Variants in ST3GAL3 observed in about 807,000 individuals in gnomAD.
ST3GAL3 encodes the protein CMP-N-acetylneuraminate-beta-1,4-galactoside alpha-2,3-sialyltransferase.
ST3GAL3 carries 21 observed loss-of-function variants against 50.1 expected under a neutral mutation model. The ratio of observed to expected loss-of-function variants is 0.42; its 90% CI spans 0.30 to 0.60. The LOEUF (loss-of-function observed/expected upper bound fraction) is 0.60. Ranked by LOEUF, ST3GAL3 falls within the 20% of genes least tolerant of loss-of-function variation. The probability of loss-of-function intolerance (pLI) is 0.19; values close to 1 mark genes in which losing one functional copy is unlikely to be tolerated. For synonymous variants in ST3GAL3, 183 were observed against 190.0 expected, an observed-to-expected ratio of 0.96 and a Z score of 0.30; for missense variants, 353 against 489.4, an observed-to-expected ratio of 0.72 and a Z score of 2.63.
At chr1:43,844,751 C>T (rs376910708) in intron 5 of ST3GAL3, among the ~76,000 whole-genome samples, 17 of 151,580 alleles carry the variant, frequency 1.1e-4, no homozygotes, top group African/African-American at 3.6e-4. Flanking sequence ...GGCGTGAACC[C>T]GGGAGGCAGA....
intron 5 of ST3GAL3, among the ~76,000 whole-genome samples, chr1:43,849,982 C>T (rs936183352): frequency 2.0e-5 from 3 of 152,160 alleles, no homozygotes; most frequent in Non-Finnish European, 4.4e-5. Context: ...AATAGCTCTG[C>T]CCTACCCCAT....
chr1:43,898,939 T>C, intron 7 of ST3GAL3: 1 of 593,340 alleles, frequency 1.7e-6, no homozygotes, highest in Non-Finnish European at 3.0e-6. Context: ...GGCCCTGTTT[T>C]CCTGGGGAAG....
intron 11 of ST3GAL3, 133 bp from the exon 12 acceptor site, chr1:43,929,999 T>C (rs2084787721): frequency 1.3e-6 from 1 of 792,124 alleles, no homozygotes; most frequent in Non-Finnish European, 2.3e-6. Context: ...ACACAACTGA[T>C]TACCAGTATC....
At chr1:43,762,608 C>T (rs1024993252) in intron 2 of ST3GAL3, among the ~76,000 whole-genome samples, 15 of 152,252 alleles carry the variant, frequency 9.9e-5, no homozygotes, top group African/African-American at 3.1e-4. Context: ...AGGATATAAA[C>T]GCTACCATTT....
At chr1:43,765,771 G>C (rs947981060) in intron 2 of ST3GAL3, among the ~76,000 whole-genome samples, 1 of 145,272 alleles carries the variant, frequency 6.9e-6, no homozygotes, top group African/African-American at 2.7e-5. Context: ...GTGTGTGTGT[G>C]TGTGTGTGTG....
chr1:43,822,290 G>A lies in ST3GAL3; in HGVS notation c.209+7357G>A, dbSNP rs115575111. Among the ~76,000 whole-genome samples, 357 of 152,296 alleles carry A rather than the reference G, an allele frequency of 2.3e-3. 1 individual carries two copies. Among genetic ancestry groups the A allele is most frequent in the African/African-American group, 8.2e-3 (339 of 41,568 alleles). On this transcript the variant is annotated intron_variant, in intron 4 of 11. Transcript: ENST00000347631. ...TGTCCAAGTGTGACTTTCCTGAGCC[G>A]ACGTGGGCCTTCTGGGAGCAGATTT...
At chr1:43,847,665 T>C (rs1040546063) in intron 5 of ST3GAL3, among the ~76,000 whole-genome samples, 5 of 152,232 alleles carry the variant, frequency 3.3e-5, no homozygotes, top group Admixed American at 3.3e-4. Flanking sequence ...TTAATGCATA[T>C]AGAGTTTCAG....
At chr1:43,780,636 A>G (rs1298516901) in intron 2 of ST3GAL3, among the ~76,000 whole-genome samples, 2 of 146,116 alleles carry the variant, frequency 1.4e-5, no homozygotes. Context: ...ATTGTGAGAA[A>G]TTTCCTTAAC....
intron 5 of ST3GAL3, among the ~76,000 whole-genome samples, chr1:43,878,030 C>T (rs530893620): frequency 6.8e-4 from 103 of 152,202 alleles, no homozygotes; most frequent in Admixed American, 3.4e-3. Flanking sequence ...AGTTCAAAGT[C>T]AGTATTCCTG....
intron 4 of ST3GAL3, among the ~76,000 whole-genome samples, chr1:43,817,342 TCTTC>T (rs1475047667): frequency 6.6e-6 from 1 of 151,838 alleles, no homozygotes; most frequent in Non-Finnish European, 1.5e-5. Context: ...CCTTCTTCCT[TCTTC>T]CTTCTTCTTC....
intron 9 of ST3GAL3, among the ~76,000 whole-genome samples, chr1:43,918,205 G>A (rs1286517265): frequency 2.1e-5 from 3 of 142,126 alleles, no homozygotes; most frequent in African/African-American, 5.2e-5. Flanking sequence ...TGTAGCTGCC[G>A]CCTCCAGGGC....
chr1:43,906,382 T>C (rs1366583015), intron 9 of ST3GAL3, among the ~76,000 whole-genome samples: 12 of 97,620 alleles, frequency 1.2e-4, no homozygotes, highest in South Asian at 3.9e-4. Flanking sequence ...TCCTCCTGTT[T>C]CCTTTCCCGC....
chr1:43,736,189 G>C (rs1189008070), intron 1 of ST3GAL3, 44 bp from the exon 2 acceptor site: 19 of 1,538,046 alleles, frequency 1.2e-5, no homozygotes, highest in Admixed American at 1.7e-5. Flanking sequence ...ATATCAATAA[G>C]ATGAGTGCTT....
rs199852949 is a variant in ST3GAL3, at chr1:43,920,481, A to G, written c.822A>G (p.Pro274=). The change falls in exon 10 of 12, where the codon CCA becomes CCG. Residue 274 remains proline (P), a synonymous_variant. Transcript: ENST00000347631. ...CCCCTGAGATTCGAATCCTCAACCC[A>G]TATTTCATCCAGGAGGCCGCCTTCA... is the stretch of plus-strand genomic sequence containing the variant. The part of the protein sequence containing the change: ...KEPPEIRILN[P]YFIQEAAFTL... The G allele has an allele frequency of 3.9e-4, 624 of 1,613,922 alleles. 1 individual carries two copies. The highest frequency in any genetic ancestry group is 4.4e-5 in the Non-Finnish European group (52 of 1,179,998).
intron 2 of ST3GAL3, among the ~76,000 whole-genome samples, chr1:43,782,028 T>C (rs1699538922): frequency 6.6e-6 from 1 of 152,244 alleles, no homozygotes; most frequent in South Asian, 2.1e-4. Context: ...TCTATGACAT[T>C]TGATAACGTG....
chr1:43,850,992 G>A, intron 5 of ST3GAL3: 1 of 880,054 alleles, frequency 1.1e-6, no homozygotes, highest in Non-Finnish European at 1.9e-6. Flanking sequence ...GTGAGTGGTG[G>A]TGGCAGTGTT....
chr1:43,792,042 G>A, intron 2 of ST3GAL3, 60 bp from the exon 3 acceptor site: 1 of 1,605,042 alleles, frequency 6.2e-7, no homozygotes, highest in Non-Finnish European at 8.5e-7. Context: ...AGAGCCAGTG[G>A]GAGCTTGCTT....
intron 5 of ST3GAL3, among the ~76,000 whole-genome samples, chr1:43,846,903 T>G (rs2066347256): frequency 6.6e-6 from 1 of 152,100 alleles, no homozygotes; most frequent in Non-Finnish European, 1.5e-5. Context: ...ATATATCTGA[T>G]AAGAGGTTAA....
intron 5 of ST3GAL3, among the ~76,000 whole-genome samples, chr1:43,887,860 AG>A (rs2076188778): frequency 6.7e-6 from 1 of 149,454 alleles, no homozygotes. Flanking sequence ...TGGGAGTTCT[AG>A]GGTAACAAGA....
Sources: allele counts gnomAD v4.1 joint callset (sites outside exome capture counted in the v4.1 genomes callset), GRCh38; gene constraint gnomAD v4.1.1; transcripts MANE v1.5; gene names NCBI Gene and HGNC (gene_info 2026-07-23, HGNC 2026-07-21).